Variants in PM20D1 observed in about 807,000 individuals in gnomAD.
The protein encoded by PM20D1 is peptidase M20 domain containing 1, also known as N-fatty-acyl-amino acid synthase/hydrolase PM20D1.
In PM20D1, 53 loss-of-function variants were observed where a neutral mutation model predicts 53.8. That is an observed-to-expected ratio of 0.98 (90% CI 0.79 to 1.24). PM20D1 has a LOEUF of 1.24. PM20D1 is among the 50% of genes most tolerant of loss of function. The probability of loss-of-function intolerance (pLI) is 0.00; values close to 1 mark genes in which losing one functional copy is unlikely to be tolerated. For synonymous variants in PM20D1, 239 were observed against 241.3 expected (o/e 0.99, Z 0.09); for missense variants, 564 against 616.8 (o/e 0.91, Z 0.91).
chr1:205,828,663 G>A lies in PM20D1; in HGVS notation c.1466C>T (p.Ala489Val), dbSNP rs1298584777. Residue 489 changes from alanine (A) to valine (V), a missense_variant, in exon 13 of 13, where the codon GCT (alanine) becomes GTT (valine). Ala to Val is a moderately conservative substitution (Grantham distance 64, BLOSUM62 0). Transcript: ENST00000367136. ...AGAAACTGGCTCCTGGTCTGTGTCA[G>A]CATTCTGAATCAACTCAAAGATGAA... ...VKFIFELIQN[A>V]DTDQEPVSHL... 1 of 1,614,064 alleles carries A rather than the reference G, an allele frequency of 6.2e-7. No individual in the cohort carries two copies. Among genetic ancestry groups the A allele is most frequent in the Non-Finnish European group, 8.5e-7 (1 of 1,180,024 alleles).
chr1:205,848,776 C>T (rs538386237), intron 1 of PM20D1, among the ~76,000 whole-genome samples: 1 of 152,320 alleles, frequency 6.6e-6, no homozygotes, highest in South Asian at 2.1e-4. Context: ...CAAACTTCAT[C>T]AGTTTTGCTA....
At chr1:205,837,004 AG>A (rs772668475) in intron 10 of PM20D1, among the ~76,000 whole-genome samples, 12 of 152,184 alleles carry the variant, frequency 7.9e-5, no homozygotes, top group Non-Finnish European at 4.4e-5. Flanking sequence ...TCACATTTAA[AG>A]GACCTCACTG....
intron 12 of PM20D1, among the ~76,000 whole-genome samples, chr1:205,829,009 A>C (rs536801687): frequency 6.6e-6 from 1 of 152,180 alleles, no homozygotes; most frequent in East Asian, 1.9e-4. Context: ...TCTGAAATCC[A>C]TTCAATAATT....
At chr1:205,842,307 A>G in intron 7 of PM20D1, 92 bp from the exon 8 acceptor site, 1 of 1,177,358 alleles carries the variant, frequency 8.5e-7, no homozygotes, top group Admixed American at 1.7e-5. Flanking sequence ...GAGCTGCCTC[A>G]GGGGCCCTTA....
intron 8 of PM20D1, 56 bp downstream of exon 8, chr1:205,842,098 G>C (rs1238342145): frequency 2.6e-6 from 4 of 1,522,452 alleles, no homozygotes; most frequent in Admixed American, 1.7e-5. Context: ...AGAGGGGCCT[G>C]GGGGGTGGGT....
intron 4 of PM20D1, 120 bp from the exon 5 acceptor site, chr1:205,844,337 T>C: frequency 8.1e-7 from 1 of 1,232,438 alleles, no homozygotes; most frequent in South Asian, 2.5e-5. Flanking sequence ...CTAGTCTCCT[T>C]CCTGGGAGCC....
chr1:205,845,650 A>AT (rs1656938690), intron 2 of PM20D1, 93 bp from the exon 3 acceptor site: 4 of 1,100,002 alleles, frequency 3.6e-6, no homozygotes, highest in African/African-American at 1.6e-5. Flanking sequence ...TTATTTATTT[A>AT]TTTTTTTAAA....
rs1439537610 is a variant in PM20D1, at chr1:205,832,491, A to G, written c.1285+107T>C. On this transcript the variant is annotated intron_variant, in intron 11 of 12. Transcript: ENST00000367136. ...AGTCTCATCAGGAGGGGAAGCAGCC[A>G]GCTGTTTACAGGCTGAACATCTAGG... The G allele has an allele frequency of 4.1e-6, 5 of 1,224,792 alleles. No homozygotes were observed. The African/African-American group carries it at 6.4e-5, about 16-fold the overall frequency. The allele number at this position is 1,224,792 out of a possible 1,614,324, so 75.9% of individuals were successfully genotyped here.
At position 205,845,408 on chromosome 1, in the gene PM20D1, A is replaced by C. The variant is rs779374576; in HGVS notation, c.406T>G (p.Trp136Gly). The stretch of plus-strand genomic sequence containing the variant: ...AACCCAGAGAATGGGGGCACCTCCC[A>C]GCCTTCTTCAGGGGCAGGCACCACA... The part of the protein sequence containing the change: ...FDVVPAPEEG[W>G]EVPPFSGLER... Residue 136 changes from tryptophan (W) to glycine (G), a missense_variant, in exon 3 of 13, where the codon TGG becomes GGG. Transcript: ENST00000367136. 2 of 1,614,212 alleles carry C rather than the reference A, an allele frequency of 1.2e-6. No individual in the cohort carries two copies. The highest frequency in any genetic ancestry group is 2.2e-5 in the South Asian group (2 of 91,074).
chr1:205,829,669 T>C (rs1656515172), intron 12 of PM20D1, among the ~76,000 whole-genome samples: 1 of 152,216 alleles, frequency 6.6e-6, no homozygotes, highest in African/African-American at 2.4e-5. Flanking sequence ...ATTCAAATAT[T>C]TTCACTCTGT....
intron 10 of PM20D1, among the ~76,000 whole-genome samples, chr1:205,839,243 C>T (rs997801303): frequency 6.6e-6 from 1 of 152,170 alleles, no homozygotes; most frequent in Non-Finnish European, 1.5e-5. Flanking sequence ...TACTTCTAGC[C>T]AAGTTCTGTT....
In PM20D1 at chr1:205,842,559, G is replaced by A. The variant is rs1571676644; in HGVS notation, c.903+117C>T. 1.2e-4 allele frequency: 123 copies of A among 1,017,502 alleles called. 1 individual carries two copies. In the South Asian group the frequency reaches 1.6e-3, roughly 14 times the overall value. 63.0% of individuals were successfully genotyped at this position (1,017,502 alleles called of 1,614,324 possible). ...TTGGCTCAGCCACTGGCTGGGAATA[G>A]GTGAGAATAGGCAGAGTGCTGGACA... On this transcript the variant is annotated intron_variant, in intron 7 of 12. Transcript: ENST00000367136.
Position 205,845,363 on chromosome 1 carries a change from A to T in PM20D1, c.451T>A (p.Tyr151Asn), listed in dbSNP as rs770769478. The T allele has an allele frequency of 6.2e-7, 1 of 1,614,050 alleles. No individual in the cohort carries two copies. The highest frequency in any genetic ancestry group is 1.1e-5 in the South Asian group (1 of 91,082). ...FSGLERDGII[Y>N]GRGTLDDKNS... ...TTGTCGTCCAGTGTGCCCCGACCATAGATGATGCCATCACGCTCCAACCCA... is the reference window on the plus strand; with the variant it reads ...TTGTCGTCCAGTGTGCCCCGACCATTGATGATGCCATCACGCTCCAACCCA... Residue 151 changes from tyrosine (Y) to asparagine (N), a missense_variant, in exon 3 of 13, where the codon TAT becomes AAT. Coordinates refer to ENST00000367136, the MANE Select transcript of PM20D1 (RefSeq NM_152491.5).
At chr1:205,840,449 T>C (rs996167320) in intron 9 of PM20D1, 126 bp from the exon 10 acceptor site, 3 of 715,742 alleles carry the variant, frequency 4.2e-6, no homozygotes, top group Non-Finnish European at 7.0e-6. Flanking sequence ...ACCCAAGGCT[T>C]AGCTTTTCTA....
Position 205,844,685 on chromosome 1 carries a change from G to A in PM20D1, c.576+126C>T, listed in dbSNP as rs554586696. On this transcript the variant is annotated intron_variant, in intron 4 of 12. Transcript: ENST00000367136. ...AGATAGTCCTGGCATACAGACACAC[G>A]GAGAAGTTGGCAAACTACCGTATCA... 4.1e-4 allele frequency: 320 copies of A among 774,384 alleles called. 2 individuals are homozygous for A. The East Asian group carries it at 7.2e-3, about 17-fold the overall frequency. The allele number at this position is 774,384 out of a possible 1,614,324, so 48.0% of individuals were successfully genotyped here. A position where few individuals can be genotyped will look rare whatever the true frequency, so the allele number is the denominator to read the frequency against.
intron 6 of PM20D1, 63 bp from the exon 7 acceptor site, chr1:205,842,814 A>T: frequency 6.8e-7 from 1 of 1,474,530 alleles, no homozygotes. Context: ...TGGCTTGAAG[A>T]GGAGAAGAAG....
chr1:205,840,509 G>GA (rs1456822333), intron 9 of PM20D1, among the ~76,000 whole-genome samples, 186 bp from the exon 10 acceptor site: 1 of 152,210 alleles, frequency 6.6e-6, no homozygotes, highest in Non-Finnish European at 1.5e-5. Context: ...ATTCAGAGCT[G>GA]AAGGGGTGTC....
At chr1:205,840,558 A>C (rs1040363657) in intron 9 of PM20D1, among the ~76,000 whole-genome samples, 64 of 152,196 alleles carry the variant, frequency 4.2e-4, no homozygotes, top group African/African-American at 1.5e-3. Context: ...TTGGTGCTGC[A>C]GGGGGTCACA....
chr1:205,838,033 C>T (rs575825195), intron 10 of PM20D1, among the ~76,000 whole-genome samples: 4 of 152,158 alleles, frequency 2.6e-5, no homozygotes, highest in Middle Eastern at 3.4e-3. Flanking sequence ...TGGCTCTGGG[C>T]AGGATGTCAA....
Sources: allele counts gnomAD v4.1 joint callset (sites outside exome capture counted in the v4.1 genomes callset), GRCh38; gene constraint gnomAD v4.1.1; transcripts MANE v1.5; gene names NCBI Gene and HGNC (gene_info 2026-07-23, HGNC 2026-07-21).